FOXP1: variants seen among roughly 807,000 people sequenced by gnomAD.
FOXP1 encodes forkhead box P1.
In FOXP1, 15 loss-of-function variants were observed where a neutral mutation model predicts 98.2. The observed-to-expected ratio is 0.15, with a 90% CI of 0.10 to 0.24. The LOEUF is 0.24. Ranked by LOEUF, FOXP1 falls within the 10% of genes least tolerant of loss-of-function variation. FOXP1 has a pLI of 1.00. For missense variants in FOXP1, 633 were observed against 848.5 expected (o/e 0.75, Z 3.15); for synonymous variants, 371 against 314.5 (o/e 1.18, Z -1.90).
intron 11 of FOXP1, among the ~76,000 whole-genome samples, chr3:71,037,540 A>T (rs1350734889): frequency 6.6e-6 from 1 of 152,174 alleles, no homozygotes; most frequent in Admixed American, 6.6e-5. Context: ...AATGACAGCA[A>T]GAGGCTTGAA....
intron 7 of FOXP1, among the ~76,000 whole-genome samples, chr3:71,111,396 A>AT (rs926371073): frequency 2.0e-5 from 3 of 151,994 alleles, no homozygotes; most frequent in Admixed American, 6.6e-5. Flanking sequence ...CCCAAATTAG[A>AT]TTTTTTTTGT....
chr3:71,255,676 T>TA (rs1265676374), intron 5 of FOXP1, among the ~76,000 whole-genome samples: 1 of 152,212 alleles, frequency 6.6e-6, no homozygotes. Flanking sequence ...GTAAGTCTGA[T>TA]AAAATCTCCC....
intron 3 of FOXP1, among the ~76,000 whole-genome samples, chr3:71,482,579 T>A (rs1274602139): frequency 6.6e-6 from 1 of 151,804 alleles, no homozygotes; most frequent in African/African-American, 2.4e-5. Context: ...TTTTTATTTT[T>A]AGTAGAGACG....
chr3:71,206,077 T>C (rs966692397), intron 5 of FOXP1, among the ~76,000 whole-genome samples: 9 of 152,236 alleles, frequency 5.9e-5, no homozygotes, highest in Non-Finnish European at 5.9e-5. Context: ...AATAAATAAA[T>C]ACATCTTTTA....
intron 11 of FOXP1, among the ~76,000 whole-genome samples, chr3:71,031,285 T>G (rs1208923161): frequency 6.6e-6 from 1 of 152,244 alleles, no homozygotes; most frequent in Non-Finnish European, 1.5e-5. Flanking sequence ...ACTGATTTCC[T>G]TGAAGACTAT....
intron 8 of FOXP1, among the ~76,000 whole-genome samples, chr3:71,052,937 T>C (rs113270553): frequency 1.6e-4 from 25 of 152,308 alleles, no homozygotes; most frequent in African/African-American, 5.5e-4. Flanking sequence ...GTCTGGTGAA[T>C]CTCTTCTGCA....
chr3:71,044,726 A>G (rs1057262775), intron 10 of FOXP1, among the ~76,000 whole-genome samples: 1 of 152,200 alleles, frequency 6.6e-6, no homozygotes, highest in Non-Finnish European at 1.5e-5. Flanking sequence ...TGGCCCCTTC[A>G]TTATAAAAGA....
intron 6 of FOXP1, among the ~76,000 whole-genome samples, chr3:71,177,349 G>A (rs989882021): frequency 6.6e-6 from 1 of 152,226 alleles, no homozygotes; most frequent in African/African-American, 2.4e-5. Context: ...AAAAGCTGCT[G>A]TCTATGGGAA....
intron 3 of FOXP1, among the ~76,000 whole-genome samples, chr3:71,485,561 G>C (rs1303137472): frequency 6.6e-6 from 1 of 152,152 alleles, no homozygotes; most frequent in Non-Finnish European, 1.5e-5. Flanking sequence ...CTGAGGTCAG[G>C]AGTTCAAGAC....
rs2032569187 is a variant in FOXP1 at position 70,959,167 on chromosome 3, A to G, written c.*80T>C. Reference sequence around the variant, plus strand: ...CAGACTGTACAACAAATGGAGAACAATTTCACTGCTAACTTTTGACGTGTT... The same window carrying G: ...CAGACTGTACAACAAATGGAGAACAGTTTCACTGCTAACTTTTGACGTGTT... On this transcript the variant is annotated 3_prime_UTR_variant, in exon 21 of 21. Transcript: ENST00000649528. 2 of 1,533,668 alleles carry G rather than the reference A, an allele frequency of 1.3e-6. No homozygotes were observed. Among genetic ancestry groups the G allele is most frequent in the Non-Finnish European group, 1.8e-6 (2 of 1,111,812 alleles).
chr3:70,972,299 G>A, intron 18 of FOXP1: 1 of 1,031,222 alleles, frequency 9.7e-7, no homozygotes, highest in African/African-American at 1.6e-5. Flanking sequence ...ATAAGCATAA[G>A]CAAATGGTTT....
Position 70,958,836 on chromosome 3 carries a change from C to CT in FOXP1, c.*410dup. On this transcript the variant is annotated 3_prime_UTR_variant, in exon 21 of 21. Coordinates refer to ENST00000649528, the MANE Select transcript of FOXP1 (RefSeq NM_001349338.3). ...GGTCGTCCATTGGAATCCTTAAATT[C>CT]TGGGCAAAGGCTTGGTCTGCAGCTT... 1 of 327,584 alleles carries CT rather than the reference C, an allele frequency of 3.1e-6. No homozygotes were observed. The highest frequency in any genetic ancestry group is 3.8e-5 in the South Asian group (1 of 26,580). 20.3% of individuals were successfully genotyped at this position (327,584 alleles called of 1,614,324 possible). A position where few individuals can be genotyped will look rare whatever the true frequency, so the allele number is the denominator to read the frequency against.
chr3:71,534,687 G>A (rs1560619879), intron 2 of FOXP1, among the ~76,000 whole-genome samples: 1 of 152,174 alleles, frequency 6.6e-6, no homozygotes, highest in East Asian at 1.9e-4. Context: ...GGATGGGGTT[G>A]AGAAATCTGC....
At chr3:71,293,823 G>A (rs1262227477) in intron 5 of FOXP1, among the ~76,000 whole-genome samples, 1 of 152,140 alleles carries the variant, frequency 6.6e-6, no homozygotes, top group Non-Finnish European at 1.5e-5. Context: ...ACTGTTGAGA[G>A]GCCATGTCAG....
chr3:71,116,264 T>C (rs2107781402), intron 6 of FOXP1, among the ~76,000 whole-genome samples: 1 of 152,140 alleles, frequency 6.6e-6, no homozygotes, highest in South Asian at 2.1e-4. Context: ...TGAACTTAAA[T>C]AATCATACTG....
intron 4 of FOXP1, among the ~76,000 whole-genome samples, chr3:71,307,351 G>T (rs895438571): frequency 5.3e-5 from 8 of 152,158 alleles, no homozygotes; most frequent in African/African-American, 1.9e-4. Context: ...TCATTCTACT[G>T]TAAAAGGTGA....
In FOXP1 at chr3:71,222,462, A is replaced by G. The variant is rs542488178; in HGVS notation, c.-11-24070T>C. ...GAGATGGAGTCTCGCTCTGTCGCCC[A>G]GGCTGGAGTGCAGTGGCGCGATCTC... On this transcript the variant is annotated intron_variant, in intron 5 of 20. Transcript: ENST00000649528. Among the ~76,000 whole-genome samples the G allele has an allele frequency of 3.9e-4, 59 of 152,104 alleles. 1 individual carries two copies. Among genetic ancestry groups the G allele is most frequent in the Non-Finnish European group, 1.0e-4 (7 of 67,994 alleles).
intron 3 of FOXP1, among the ~76,000 whole-genome samples, chr3:71,405,961 C>T (rs2082289313): frequency 6.6e-6 from 1 of 151,940 alleles, no homozygotes; most frequent in South Asian, 2.1e-4. Flanking sequence ...AACTCCTGAC[C>T]TCAGGTAATC....
At chr3:71,319,510 C>T (rs989689798) in intron 4 of FOXP1, among the ~76,000 whole-genome samples, 1 of 152,196 alleles carries the variant, frequency 6.6e-6, no homozygotes, top group Admixed American at 6.5e-5. Context: ...TTTATAATCT[C>T]TGTTCAGTGA....
Sources: gnomAD v4.1 joint callset for allele counts (sites outside exome capture counted in the v4.1 genomes callset) on GRCh38, gnomAD v4.1.1 for gene constraint, MANE v1.5 for transcripts, NCBI Gene and HGNC (gene_info 2026-07-23, HGNC 2026-07-21) for gene names.